MTUS2: variants seen among roughly 807,000 people sequenced by gnomAD.
MTUS2 encodes the protein microtubule associated scaffold protein 2.
A neutral mutation model predicts 114.1 loss-of-function variants in MTUS2; 40 were observed. The ratio of observed to expected loss-of-function variants is 0.35; its 90% CI spans 0.27 to 0.46. MTUS2 has a LOEUF of 0.46. Among genes scored for constraint, MTUS2 ranks in the 20% least tolerant of loss-of-function variants. The pLI is 1.00. For synonymous variants in MTUS2, 688 were observed against 672.0 expected (o/e 1.02, Z -0.37); for missense variants, 1,679 against 1,705.4 (o/e 0.98, Z 0.27).
At chr13:28,939,952 A>G (rs1329707791) in intron 2 of MTUS2, among the ~76,000 whole-genome samples, 1 of 151,868 alleles carries the variant, frequency 6.6e-6, no homozygotes, top group East Asian at 1.9e-4. Context: ...GTGCAGGGGA[A>G]CTCTCCTTTA....
chr13:29,281,413 G>GTC (rs1197300151), intron 5 of MTUS2, among the ~76,000 whole-genome samples: 96 of 139,262 alleles, frequency 6.9e-4, no homozygotes, highest in Non-Finnish European at 1.3e-3. Context: ...ATGTATGTAT[G>GTC]TATGTCTGTG....
At chr13:29,147,531 TC>T (rs1019051602) in intron 5 of MTUS2, among the ~76,000 whole-genome samples, 1 of 152,168 alleles carries the variant, frequency 6.6e-6, no homozygotes, top group African/African-American at 2.4e-5. Flanking sequence ...ATTGATCTTG[TC>T]CCCTAGGTAC....
chr13:29,142,081 C>T (rs34399838), intron 5 of MTUS2, among the ~76,000 whole-genome samples: 23,791 of 151,794 alleles, frequency 0.16, 1,929 homozygotes, highest in South Asian at 0.24. Context: ...AGGATGGTCT[C>T]GATCTCCTGA....
chr13:29,054,206 T>C (rs964692246), intron 4 of MTUS2, among the ~76,000 whole-genome samples: 3 of 152,228 alleles, frequency 2.0e-5, no homozygotes, highest in African/African-American at 7.2e-5. Context: ...TGTATTCATA[T>C]ATCTTCTTTG....
chr13:28,873,311 A>AT (rs1165312337), intron 2 of MTUS2, among the ~76,000 whole-genome samples: 1 of 152,150 alleles, frequency 6.6e-6, no homozygotes, highest in Non-Finnish European at 1.5e-5. Flanking sequence ...TTTTTCTCAC[A>AT]TCTCTTTGAG....
chr13:29,135,744 A>G (rs1240187635), intron 5 of MTUS2, among the ~76,000 whole-genome samples: 1 of 152,110 alleles, frequency 6.6e-6, no homozygotes, highest in Admixed American at 6.5e-5. Context: ...TTAACATCCT[A>G]AAGTTATAAC....
chr13:28,967,689 A>G (rs1245832278), intron 2 of MTUS2, among the ~76,000 whole-genome samples: 4 of 152,130 alleles, frequency 2.6e-5, no homozygotes, highest in Admixed American at 6.5e-5. Flanking sequence ...GGCCCTTCTC[A>G]TTTCCCCCTT....
intron 2 of MTUS2, among the ~76,000 whole-genome samples, chr13:28,914,097 TG>T (rs1338105905): frequency 5.9e-5 from 9 of 152,112 alleles, no homozygotes; most frequent in Admixed American, 3.3e-4. Flanking sequence ...TTTGTGTGTG[TG>T]TCTGTATCTC....
chr13:29,366,598 C>T (rs1279773370), intron 8 of MTUS2, among the ~76,000 whole-genome samples: 2 of 152,164 alleles, frequency 1.3e-5, no homozygotes, highest in African/African-American at 4.8e-5. Context: ...CCCTGCGGCC[C>T]ACTCTAAGCA....
chr13:29,307,145 C>G (rs1899508013), intron 6 of MTUS2: 2 of 482,866 alleles, frequency 4.1e-6, no homozygotes, highest in Admixed American at 5.3e-5. Context: ...ATCCTTTCTG[C>G]CCCCTCTGCC....
chr13:28,949,794 C>G (rs911227068), intron 2 of MTUS2, among the ~76,000 whole-genome samples: 2 of 152,022 alleles, frequency 1.3e-5, no homozygotes, highest in African/African-American at 4.8e-5. Flanking sequence ...GATTTCCTTC[C>G]TTTTTAAGGC....
chr13:28,902,953 A>G (rs1879733665), intron 2 of MTUS2, among the ~76,000 whole-genome samples: 1 of 152,242 alleles, frequency 6.6e-6, no homozygotes, highest in South Asian at 2.1e-4. Flanking sequence ...GGGCTTGGAG[A>G]TTCCTTTTTG....
intron 2 of MTUS2, among the ~76,000 whole-genome samples, chr13:28,853,753 T>C (rs902197957): frequency 6.6e-6 from 1 of 151,838 alleles, no homozygotes; most frequent in Non-Finnish European, 1.5e-5. Context: ...GCAGAATTTA[T>C]ATTCCTTCTG....
At chr13:29,068,665 A>G (rs960584359) in intron 4 of MTUS2, among the ~76,000 whole-genome samples, 33 of 152,186 alleles carry the variant, frequency 2.2e-4, no homozygotes, top group Middle Eastern at 3.2e-3. Flanking sequence ...TTTATCAGGT[A>G]TAGTGTAGTA....
chr13:29,033,336 T>C (rs1236962283), intron 3 of MTUS2, among the ~76,000 whole-genome samples: 2 of 152,170 alleles, frequency 1.3e-5, no homozygotes, highest in African/African-American at 4.8e-5. Flanking sequence ...GATCTGAAAA[T>C]ACATTTTCCA....
At chr13:28,966,322 G>A (rs995911087) in intron 2 of MTUS2, among the ~76,000 whole-genome samples, 1 of 152,136 alleles carries the variant, frequency 6.6e-6, no homozygotes, top group African/African-American at 2.4e-5. Flanking sequence ...TTAGAGACTT[G>A]TTTAAAGATA....
chr13:28,913,694 C>T (rs1417368491), intron 2 of MTUS2, among the ~76,000 whole-genome samples: 2 of 152,030 alleles, frequency 1.3e-5, no homozygotes, highest in African/African-American at 4.8e-5. Flanking sequence ...GAAATGGTAC[C>T]AGCTCTTCTT....
chr13:29,024,101 T>C (rs1400484095), intron 2 of MTUS2, among the ~76,000 whole-genome samples: 1 of 152,198 alleles, frequency 6.6e-6, no homozygotes, highest in Non-Finnish European at 1.5e-5. Flanking sequence ...GATTGCAAAA[T>C]AGTGATTTTT....
At chr13:28,987,369 A>G (rs1459174501) in intron 2 of MTUS2, among the ~76,000 whole-genome samples, 4 of 152,114 alleles carry the variant, frequency 2.6e-5, no homozygotes, top group Non-Finnish European at 5.9e-5. Context: ...CCATGAGGTC[A>G]TTGGTCTTTG....
Sources: gnomAD v4.1 joint callset for allele counts (sites outside exome capture counted in the v4.1 genomes callset) on GRCh38, gnomAD v4.1.1 for gene constraint, MANE v1.5 for transcripts, NCBI Gene and HGNC (gene_info 2026-07-23, HGNC 2026-07-21) for gene names.